RBM27: variants seen among roughly 807,000 people sequenced by gnomAD.
The protein encoded by RBM27 is RNA-binding protein 27.
In RBM27, 22 loss-of-function variants were observed where a neutral mutation model predicts 135.3. The ratio of observed to expected loss-of-function variants is 0.16; its 90% CI spans 0.12 to 0.23. The LOEUF (loss-of-function observed/expected upper bound fraction) is 0.23, where lower values mean the gene tolerates loss of function less well. Ranked by LOEUF, RBM27 falls within the 10% of genes least tolerant of loss-of-function variation. RBM27 has a pLI of 1.00. For synonymous variants in RBM27, 481 were observed against 442.4 expected (o/e 1.09, Z -1.10); for missense variants, 1,009 against 1,281.0 (o/e 0.79, Z 3.24).
At chr5:146,255,812 G>GGC (rs984342678) in intron 10 of RBM27, among the ~76,000 whole-genome samples, 1 of 151,188 alleles carries the variant, frequency 6.6e-6, no homozygotes, top group Admixed American at 6.6e-5. Context: ...TTAATCATCT[G>GGC]GCAAACATTT....
intron 9 of RBM27, 34 bp downstream of exon 9, chr5:146,251,909 T>C (rs1292708470): frequency 6.2e-7 from 1 of 1,601,090 alleles, no homozygotes; most frequent in Non-Finnish European, 8.6e-7. Flanking sequence ...TCCACCTCAC[T>C]GATCTTTTTT....
intron 6 of RBM27, among the ~76,000 whole-genome samples, chr5:146,232,151 T>C (rs943312546): frequency 2.6e-5 from 4 of 152,252 alleles, no homozygotes; most frequent in Admixed American, 2.6e-4. Context: ...GTTGTTTTAA[T>C]GTATGCTCCC....
In RBM27 at chr5:146,250,214, G is replaced by A. The variant is rs1426532711; in HGVS notation, c.1280-1497G>A. ...GTGGCACTTTGGGAGGCCGAGACGG[G>A]CAGATCACGAGGTCAGGGGATTGAG... On this transcript the variant is annotated intron_variant, in intron 8 of 20. Coordinates refer to ENST00000265271, the MANE Select transcript of RBM27 (RefSeq NM_018989.2). 6.6e-5 allele frequency among the ~76,000 whole-genome samples: 10 copies of A among 152,062 alleles called. 1 individual carries two copies. The highest frequency in any genetic ancestry group is 6.6e-4 in the Admixed American group (10 of 15,254).
chr5:146,221,604 T>C (rs1010249941), intron 2 of RBM27, among the ~76,000 whole-genome samples: 10 of 152,182 alleles, frequency 6.6e-5, no homozygotes, highest in Non-Finnish European at 1.3e-4. Context: ...TGGCTAATTT[T>C]TGTATTTTTA....
intron 3 of RBM27, among the ~76,000 whole-genome samples, chr5:146,228,066 C>G (rs1756753163): frequency 1.3e-5 from 2 of 152,238 alleles, no homozygotes; most frequent in South Asian, 4.1e-4. Context: ...ATTGTTTATA[C>G]TTTTCCTACA....
At chr5:146,204,234 A>G (rs1442081157) in intron 1 of RBM27, among the ~76,000 whole-genome samples, 1 of 152,210 alleles carries the variant, frequency 6.6e-6, no homozygotes, top group Admixed American at 6.5e-5. Flanking sequence ...TTTGATAAAC[A>G]TTATTATTCC....
chr5:146,207,631 AACATAT>A (rs1404473466), intron 1 of RBM27, among the ~76,000 whole-genome samples: 1 of 151,868 alleles, frequency 6.6e-6, no homozygotes, highest in Non-Finnish European at 1.5e-5. Flanking sequence ...TCCCTAGTGA[AACATAT>A]GCATGTAACG....
At position 146,244,519 on chromosome 5, in the gene RBM27, A is replaced by G. The variant is rs370854833; in HGVS notation, c.1279+7087A>G. Among the ~76,000 whole-genome samples, 7 of 152,244 alleles carry G rather than the reference A, an allele frequency of 4.6e-5. No homozygotes were observed. The South Asian group carries it at 1.5e-3, about 32-fold the overall frequency. The stretch of plus-strand genomic sequence containing the variant: ...ATCAACTATTTCCTCTGAAGTACTT[A>G]ACATTTTACCCATGCCCCCCCACCC... On this transcript the variant is annotated intron_variant, in intron 8 of 20. Transcript: ENST00000265271.
chr5:146,264,252 C>T (rs540740577), intron 14 of RBM27, among the ~76,000 whole-genome samples: 6 of 152,168 alleles, frequency 3.9e-5, no homozygotes, highest in Admixed American at 1.3e-4. Context: ...GGCACAATCT[C>T]GGCTCACCGC....
chr5:146,248,403 A>G (rs1203667166), intron 8 of RBM27, among the ~76,000 whole-genome samples: 1 of 152,076 alleles, frequency 6.6e-6, no homozygotes, highest in Non-Finnish European at 1.5e-5. Context: ...TAGTATTTAG[A>G]GACTCAGTAG....
intron 6 of RBM27, among the ~76,000 whole-genome samples, chr5:146,232,514 T>C (rs140356806): frequency 0.011 from 1,638 of 152,310 alleles, 12 homozygotes; most frequent in Middle Eastern, 0.017. Context: ...GCGTTCATCC[T>C]ATGTTAAAAC....
In RBM27 at chr5:146,287,146, GGGGGTTGA is replaced by G. The variant is rs1759617372; in HGVS notation, c.*1120_*1127del. Reference sequence around the variant, plus strand: ...TGGGGGGTGGGGGGTGGAGGTGGGAGGGGGTTGAGGGCTGAGTATGCTAGTAATAAATG... The same window carrying G: ...TGGGGGGTGGGGGGTGGAGGTGGGAGGGGCTGAGTATGCTAGTAATAAATG... On this transcript the variant is annotated 3_prime_UTR_variant, in exon 21 of 21. Transcript: ENST00000265271. 1 of 150,966 alleles carries G rather than the reference GGGGGTTGA, an allele frequency of 6.6e-6. No individual in the cohort carries two copies. Among genetic ancestry groups the G allele is most frequent in the Non-Finnish European group, 1.5e-5 (1 of 67,758 alleles). The allele number at this position is 150,966 out of a possible 1,614,324, so 9.4% of individuals were successfully genotyped here.
chr5:146,223,382 A>G (rs922933711), intron 2 of RBM27, 21 bp from the exon 3 acceptor site: 1 of 1,568,328 alleles, frequency 6.4e-7, no homozygotes, highest in Non-Finnish European at 8.6e-7. Context: ...GCAATATGTA[A>G]ATGTTATTTC....
chr5:146,273,902 C>A (rs188709146), intron 19 of RBM27, among the ~76,000 whole-genome samples: 214 of 152,336 alleles, frequency 1.4e-3, no homozygotes, highest in Admixed American at 2.9e-3. Flanking sequence ...ATGCAAATGG[C>A]AGCTATAAGT....
intron 2 of RBM27, among the ~76,000 whole-genome samples, chr5:146,221,296 T>G (rs918109141): frequency 6.6e-6 from 1 of 152,214 alleles, no homozygotes; most frequent in African/African-American, 2.4e-5. Flanking sequence ...ATCACTGTTA[T>G]CAGCTTGTGT....
intron 9 of RBM27, 97 bp downstream of exon 9, chr5:146,251,972 A>G: frequency 3.8e-6 from 5 of 1,332,022 alleles, no homozygotes; most frequent in Admixed American, 1.9e-5. Context: ...CTGCTGTTAC[A>G]AAGTCCCATT....
At position 146,233,414 on chromosome 5, in the gene RBM27, GATA is replaced by G. The variant is rs150391722; in HGVS notation, c.851-31_851-29del. The G allele has an allele frequency of 3.5e-4, 528 of 1,497,746 alleles. 3 individuals are homozygous for G. The East Asian group carries it at 7.2e-3, about 20-fold the overall frequency. 92.8% of individuals were successfully genotyped at this position (1,497,746 alleles called of 1,614,324 possible). A position where few individuals can be genotyped will look rare whatever the true frequency, so the allele number is the denominator to read the frequency against. ...GTTGTTTTCTGAACTCTAAGTAGATGATAATAAGATTCTTTTTTTATTCTTTAT... is the reference window on the plus strand; with the variant it reads ...GTTGTTTTCTGAACTCTAAGTAGATGATAAGATTCTTTTTTTATTCTTTAT... On this transcript the variant is annotated intron_variant, in intron 6 of 20. Coordinates refer to ENST00000265271, the MANE Select transcript of RBM27 (RefSeq NM_018989.2).
intron 2 of RBM27, 44 bp from the exon 3 acceptor site, chr5:146,223,359 G>T (rs1406834837): frequency 6.5e-7 from 1 of 1,547,166 alleles, no homozygotes; most frequent in Admixed American, 2.2e-5. Flanking sequence ...TCAAATTTTT[G>T]TTTTTTGTTT....
chr5:146,220,242 C>T (rs1391087841), intron 2 of RBM27, among the ~76,000 whole-genome samples: 1 of 152,106 alleles, frequency 6.6e-6, no homozygotes, highest in African/African-American at 2.4e-5. Flanking sequence ...CTTTGGGAGG[C>T]CGAAGCGGGT....
Sources: allele counts gnomAD v4.1 joint callset (sites outside exome capture counted in the v4.1 genomes callset), GRCh38; gene constraint gnomAD v4.1.1; transcripts MANE v1.5; gene names NCBI Gene and HGNC (gene_info 2026-07-23, HGNC 2026-07-21).